The following MYO9B variants were observed in gnomAD, a reference collection of about 807,000 sequenced individuals.
The protein encoded by MYO9B is unconventional myosin-IXb.
A neutral mutation model predicts 229.5 loss-of-function variants in MYO9B; 71 were observed. The observed-to-expected ratio is 0.31, with a 90% CI of 0.26 to 0.38. The LOEUF (loss-of-function observed/expected upper bound fraction) is 0.38. MYO9B is among the 10% of genes least tolerant of loss of function. The pLI, the probability that MYO9B is intolerant of heterozygous loss-of-function variation, is 1.00. For synonymous variants in MYO9B, 1,185 were observed against 1,235.8 expected (o/e 0.96, Z 0.86); for missense variants, 2,255 against 2,920.5 (o/e 0.77, Z 5.25).
intron 10 of MYO9B, among the ~76,000 whole-genome samples, chr19:17,167,324 G>C (rs183658132): frequency 6.6e-6 from 1 of 151,412 alleles, no homozygotes; most frequent in African/African-American, 2.4e-5. Flanking sequence ...GCACAGACAG[G>C]ATCTTGCTAT....
At chr19:17,176,746 C>T (rs2072794453) in intron 14 of MYO9B, among the ~76,000 whole-genome samples, 1 of 152,170 alleles carries the variant, frequency 6.6e-6, no homozygotes, top group African/African-American at 2.4e-5. Flanking sequence ...CCCATCCTGC[C>T]TGGAGTGGCC....
chr19:17,172,593 C>A lies in MYO9B; in HGVS notation c.1935+116C>A. ...GTTCCAGGGTGCTCAGAACCCACCG[C>A]GAATCCCCGGCTCCAATGTCCAAGG... On this transcript the variant is annotated intron_variant, in intron 12 of 39. Coordinates refer to ENST00000682292, the MANE Select transcript of MYO9B (RefSeq NM_004145.4). The surrounding 1 kb of genome is among the most constrained non-coding windows in gnomAD (Gnocchi z 8.2). The A allele has an allele frequency of 2.7e-6, 4 of 1,482,800 alleles. No homozygotes were observed. The highest frequency in any genetic ancestry group is 1.4e-5 in the African/African-American group (1 of 72,064). The allele number at this position is 1,482,800 out of a possible 1,614,324, so 91.9% of individuals were successfully genotyped here. A position where few individuals can be genotyped will look rare whatever the true frequency, so the allele number is the denominator to read the frequency against.
chr19:17,162,219 C>T (rs2072611123), intron 8 of MYO9B, 131 bp from the exon 9 acceptor site: 1 of 686,322 alleles, frequency 1.5e-6, no homozygotes, highest in Non-Finnish European at 2.5e-6. Context: ...ACAGGAGAAT[C>T]TCTTGAACCC....
chr19:17,158,652 G>A (rs1437263784), intron 7 of MYO9B, among the ~76,000 whole-genome samples: 1 of 152,114 alleles, frequency 6.6e-6, no homozygotes. Flanking sequence ...CTGGTGGGCA[G>A]AGACCACCAG....
intron 32 of MYO9B, 23 bp from the exon 33 acceptor site, chr19:17,206,225 G>GGGCC: frequency 1.3e-6 from 2 of 1,564,670 alleles, no homozygotes; most frequent in Non-Finnish European, 1.7e-6. Context: ...CCGCTCACCA[G>GGGCC]ACCCACCCCA....
chr19:17,196,163 T>C (rs1599415709), intron 22 of MYO9B, among the ~76,000 whole-genome samples: 1 of 70,188 alleles, frequency 1.4e-5, no homozygotes, highest in African/African-American at 5.6e-5. Context: ...GGTGGGTGGG[T>C]GGATGGATGG....
intron 1 of MYO9B, among the ~76,000 whole-genome samples, chr19:17,083,285 C>T (rs2057551782): frequency 1.3e-5 from 2 of 152,194 alleles, no homozygotes; most frequent in Admixed American, 6.5e-5. Flanking sequence ...CCGCCTCAGC[C>T]TCCCAAAGTG....
chr19:17,128,489 C>T (rs2072152627), intron 2 of MYO9B, among the ~76,000 whole-genome samples: 1 of 152,248 alleles, frequency 6.6e-6, no homozygotes. Context: ...TGCCCCATGG[C>T]TGTTTGCTTG....
At chr19:17,118,358 T>C (rs2057927253) in intron 2 of MYO9B, among the ~76,000 whole-genome samples, 1 of 151,796 alleles carries the variant, frequency 6.6e-6, no homozygotes, top group Non-Finnish European at 1.5e-5. Flanking sequence ...TCCCGGCACT[T>C]TGGCAGGCTG....
At position 17,172,692 on chromosome 19, in the gene MYO9B, C is replaced by T. The variant is rs536576917; in HGVS notation, c.1936-67C>T. The T allele has an allele frequency of 1.3e-3, 2,091 of 1,576,872 alleles. 46 individuals carry two copies. In the South Asian group the frequency reaches 0.022, roughly 16 times the overall value. On this transcript the variant is annotated intron_variant, in intron 12 of 39. Transcript: ENST00000682292. The surrounding 1 kb of genome is among the most constrained non-coding windows in gnomAD (Gnocchi z 8.2). ...ACCGTCAGCCCTTCCTGCGCCAGCC[C>T]GGGGTCTTTGGTAGGCGCCGGTGAG...
Position 17,154,000 on chromosome 19 carries a change from G to T in MYO9B, c.1032G>T (p.Gly344=), listed in dbSNP as rs1453900689. Residue 344 remains glycine (G), a synonymous_variant, in exon 5 of 40, where the codon GGG becomes GGT. Coordinates refer to ENST00000682292, the MANE Select transcript of MYO9B (RefSeq NM_004145.4). The part of the protein sequence containing the change: ...NYHVFYYLLL[G]VSEEERQEFQ... ...ATGTGTTTTATTATTTGTTACTTGG[G>T]GTCAGCGAGGAAGAGCGCCAAGAAT... The T allele has an allele frequency of 6.2e-7, 1 of 1,613,632 alleles. No homozygotes were observed. Among genetic ancestry groups the T allele is most frequent in the Non-Finnish European group, 8.5e-7 (1 of 1,179,854 alleles).
chr19:17,181,718 A>C (rs942274618), intron 15 of MYO9B, among the ~76,000 whole-genome samples: 2 of 152,196 alleles, frequency 1.3e-5, no homozygotes, highest in African/African-American at 4.8e-5. Context: ...CCTGCATGGG[A>C]GCCAATGAGA....
In MYO9B at chr19:17,209,609, A is replaced by C; in HGVS notation, c.5648A>C (p.Glu1883Ala). 1 of 1,600,860 alleles carries C rather than the reference A, an allele frequency of 6.2e-7. No individual in the cohort carries two copies. The highest frequency in any genetic ancestry group is 1.7e-5 in the Admixed American group (1 of 57,448). The change falls in exon 36 of 40, where the codon GAG becomes GCG. Residue 1883 changes from glutamate to alanine, a missense_variant. By Grantham distance (107) the Glu-to-Ala change is moderately radical. Coordinates refer to ENST00000682292, the MANE Select transcript of MYO9B (RefSeq NM_004145.4). ...ITTCVEMLIK[E>A]QMRKYKVKME... ...AGGTGCGTGGAGATGCTGATCAAGG[A>C]GCAGATGAGGAAATACAAAGTGAAG... is the stretch of plus-strand genomic sequence containing the variant.
Position 17,184,850 on chromosome 19 carries a change from A to G in MYO9B, c.2374-15A>G, listed in dbSNP as rs2072900090. 6.2e-7 allele frequency: 1 copy of G among 1,613,456 alleles called. No individual in the cohort carries two copies. Among genetic ancestry groups the G allele is most frequent in the East Asian group, 2.2e-5 (1 of 44,838 alleles). ...GCTGTGGGAGGGCAGGCCGGACCCC[A>G]TGTGTCTGTCCTAGAACCTACTGGA... On this transcript the variant is annotated splice_polypyrimidine_tract_variant and intron_variant, in intron 16 of 39. Transcript: ENST00000682292.
At chr19:17,205,164 AAAG>A (rs71334683) in intron 30 of MYO9B, 96 bp from the exon 31 acceptor site, 20 of 749,164 alleles carry the variant, frequency 2.7e-5, no homozygotes, top group Non-Finnish European at 3.8e-5. Context: ...AAAAAAAAAA[AAAG>A]AAGGCAATTG....
chr19:17,205,236 G>C lies in MYO9B; in HGVS notation c.4991-27G>C, dbSNP rs773488370. 2.5e-6 allele frequency: 4 copies of C among 1,609,570 alleles called. No homozygotes were observed. The African/African-American group carries it at 4.0e-5, about 16-fold the overall frequency. On this transcript the variant is annotated intron_variant, in intron 30 of 39. Coordinates refer to ENST00000682292, the MANE Select transcript of MYO9B (RefSeq NM_004145.4). ...GAATCTGGGGTCCCCAGCACCCTCT[G>C]TGACTCCCACCCTGTGGACCTCCTA...
chr19:17,094,840 G>A (rs1394207974), intron 1 of MYO9B, among the ~76,000 whole-genome samples: 1 of 152,152 alleles, frequency 6.6e-6, no homozygotes, highest in Non-Finnish European at 1.5e-5. Context: ...TGCTCAGGAG[G>A]CTGAGGTGAG....
At chr19:17,121,086 G>A (rs1197071339) in intron 2 of MYO9B, among the ~76,000 whole-genome samples, 1 of 152,128 alleles carries the variant, frequency 6.6e-6, no homozygotes, top group African/African-American at 2.4e-5. Flanking sequence ...GGGACTACAG[G>A]CGTGCACCAC....
At chr19:17,208,353 A>AAAAGCAAAT (rs74332276) in intron 35 of MYO9B, among the ~76,000 whole-genome samples, 1 of 124,616 alleles carries the variant, frequency 8.0e-6, no homozygotes, top group South Asian at 2.5e-4. Context: ...AAAAAAAAAA[A>AAAAGCAAAT]ATCCAGATGG....
Sources: gnomAD v4.1 joint callset for allele counts (sites outside exome capture counted in the v4.1 genomes callset) on GRCh38, gnomAD v4.1.1 for gene constraint, Gnocchi (gnomAD v3.1) non-coding constraint, MANE v1.5 for transcripts, NCBI Gene and HGNC (gene_info 2026-07-23, HGNC 2026-07-21) for gene names.